Variants in KDM6A observed in about 807,000 individuals in gnomAD.
KDM6A encodes lysine demethylase 6A.
In KDM6A, 11 loss-of-function variants were observed where a neutral mutation model predicts 117.6. That is an observed-to-expected ratio of 0.09 (90% CI 0.06 to 0.15). KDM6A has a LOEUF of 0.15. Ranked by LOEUF, KDM6A falls within the 10% of genes least tolerant of loss-of-function variation. The pLI is 1.00. For synonymous variants in KDM6A, 384 were observed against 396.1 expected (o/e 0.97, Z 0.36); for missense variants, 799 against 1,077.3 (o/e 0.74, Z 3.62).
At chrX:44,879,001 T>C (rs2031976085) in intron 2 of KDM6A, among the ~76,000 whole-genome samples, 1 of 111,379 alleles carries the variant, frequency 9.0e-6, no homozygotes, top group Non-Finnish European at 1.9e-5. Context: ...GCTTTGCAGG[T>C]GTGAGCCGCC....
At chrX:44,907,695 G>A (rs1473319566) in intron 2 of KDM6A, among the ~76,000 whole-genome samples, 1 of 105,690 alleles carries the variant, frequency 9.5e-6, no homozygotes, top group African/African-American at 3.5e-5. Context: ...TGATCCACCC[G>A]TCTTGGCCTC....
chrX:45,068,561 TA>T (rs779354016), intron 17 of KDM6A, among the ~76,000 whole-genome samples: 3,804 of 70,467 alleles, frequency 0.054, 95 homozygotes, highest in Non-Finnish European at 0.076. Context: ...CCTTTTTTTT[TA>T]AAAAAAAAAA....
chrX:44,989,348 C>G, intron 4 of KDM6A, among the ~76,000 whole-genome samples: 1 of 107,236 alleles, frequency 9.3e-6, no homozygotes, highest in East Asian at 3.0e-4. Context: ...CCTTGCACTT[C>G]CCGGGTGAGG....
intron 10 of KDM6A, among the ~76,000 whole-genome samples, chrX:45,056,475 G>A (rs1306539864): frequency 2.7e-5 from 3 of 111,994 alleles, no homozygotes; most frequent in Non-Finnish European, 5.7e-5. Context: ...AAATTGTAAT[G>A]TGATATTCTG....
At position 44,897,362 on chromosome X, in the gene KDM6A, C is replaced by G. The variant is rs151019395; in HGVS notation, c.225+23375C>G. Among the ~76,000 whole-genome samples the G allele has an allele frequency of 8.4e-3, 896 of 106,692 alleles. 11 individuals are homozygous for G. Among genetic ancestry groups the G allele is most frequent in the African/African-American group, 0.03 (861 of 29,163 alleles). The allele number at this position is 106,692 out of a possible 115,157, so 92.6% of individuals were successfully genotyped here. A position where few individuals can be genotyped will look rare whatever the true frequency, so the allele number is the denominator to read the frequency against. On this transcript the variant is annotated intron_variant, in intron 2 of 29. Coordinates refer to ENST00000611820, the MANE Select transcript of KDM6A (RefSeq NM_001291415.2). ...TGTTTATTTGTTTTAAGAGCAGTTGCAATTGCTTGTTGAAGCGTTTTGTTG... is the reference window on the plus strand; with the variant it reads ...TGTTTATTTGTTTTAAGAGCAGTTGGAATTGCTTGTTGAAGCGTTTTGTTG...
intron 18 of KDM6A, among the ~76,000 whole-genome samples, chrX:45,075,570 A>G (rs930998363): frequency 9.0e-6 from 1 of 111,036 alleles, no homozygotes; most frequent in African/African-American, 3.3e-5. Context: ...TTTTACTTGG[A>G]GTTGTAGTTG....
intron 29 of KDM6A, 132 bp downstream of exon 29, chrX:45,110,381 G>A: frequency 1.9e-6 from 1 of 532,767 alleles, no homozygotes; most frequent in East Asian, 3.6e-5. Flanking sequence ...TTGCATGAGG[G>A]TATATTCATA....
intron 2 of KDM6A, among the ~76,000 whole-genome samples, chrX:44,931,922 T>C (rs1275281685): frequency 9.1e-6 from 1 of 109,636 alleles, no homozygotes; most frequent in Admixed American, 9.8e-5. Flanking sequence ...TATCATCTTA[T>C]TTGGTGTTCT....
rs187145806 is a variant in KDM6A at position 45,002,015 on chromosome X, A to T, written c.385-8946A>T. Among the ~76,000 whole-genome samples, 502 of 111,528 alleles carry T rather than the reference A, an allele frequency of 4.5e-3. 8 individuals are homozygous for T. The highest frequency in any genetic ancestry group is 0.013 in the African/African-American group (411 of 30,658). On this transcript the variant is annotated intron_variant, in intron 4 of 29. Coordinates refer to ENST00000611820, the MANE Select transcript of KDM6A (RefSeq NM_001291415.2). Reference sequence around the variant, plus strand: ...TGAAGGAAAGGAAAGTGGAAGATAAACCAAGTATATAAATTCTAAGAAACT... The same window carrying T: ...TGAAGGAAAGGAAAGTGGAAGATAATCCAAGTATATAAATTCTAAGAAACT...
At chrX:45,063,910 G>A in intron 17 of KDM6A, 93 bp downstream of exon 17, 1 of 894,989 alleles carries the variant, frequency 1.1e-6, no homozygotes. Context: ...AAGTGTTTGG[G>A]GAACTGGTTT....
chrX:45,016,198 C>T (rs1261921924), intron 5 of KDM6A, among the ~76,000 whole-genome samples: 1 of 111,163 alleles, frequency 9.0e-6, no homozygotes, highest in East Asian at 2.8e-4. Context: ...CCATCTCAAC[C>T]TTTTAAAATC....
chrX:45,034,206 A>G (rs1048342563), intron 6 of KDM6A, among the ~76,000 whole-genome samples: 7 of 111,580 alleles, frequency 6.3e-5, no homozygotes, highest in Non-Finnish European at 9.4e-5. Context: ...TAGATATTAA[A>G]TGTCACCCAG....
Position 45,002,820 on chromosome X carries a change from T to TACC in KDM6A, c.385-8139_385-8137dup, listed in dbSNP as rs756051964. Among the ~76,000 whole-genome samples the TACC allele has an allele frequency of 1.2e-4, 13 of 106,901 alleles. No homozygotes were observed. In the South Asian group the frequency reaches 5.2e-3, roughly 43 times the overall value. 92.8% of individuals were successfully genotyped at this position (106,901 alleles called of 115,157 possible). A position where few individuals can be genotyped will look rare whatever the true frequency, so the allele number is the denominator to read the frequency against. ...GTTAATTTATTTTAGGACAAGAATT[T>TACC]ACCATATAACATTCTTTTTATATAA... On this transcript the variant is annotated intron_variant, in intron 4 of 29. Coordinates refer to ENST00000611820, the MANE Select transcript of KDM6A (RefSeq NM_001291415.2).
intron 3 of KDM6A, among the ~76,000 whole-genome samples, chrX:44,971,882 T>C (rs1213884486): frequency 9.1e-6 from 1 of 110,189 alleles, no homozygotes; most frequent in African/African-American, 3.3e-5. Context: ...GTCTGATAAG[T>C]GAAGTCTGCT....
intron 2 of KDM6A, among the ~76,000 whole-genome samples, chrX:44,898,139 T>C (rs1291686045): frequency 9.0e-6 from 1 of 111,688 alleles, no homozygotes; most frequent in Non-Finnish European, 1.9e-5. Context: ...CGGGCCATGC[T>C]GCCTCAGCAA....
At chrX:44,975,627 C>T (rs1401347064) in intron 4 of KDM6A, among the ~76,000 whole-genome samples, 1 of 111,344 alleles carries the variant, frequency 9.0e-6, no homozygotes, top group Non-Finnish European at 1.9e-5. Context: ...TAGCTTTATT[C>T]ACATGCTGTA....
chrX:45,102,214 T>C (rs189840239), intron 27 of KDM6A, among the ~76,000 whole-genome samples: 2 of 112,203 alleles, frequency 1.8e-5, no homozygotes, highest in East Asian at 5.6e-4. Context: ...CCTGGAACTC[T>C]TATTAAAATA....
At chrX:45,046,445 G>C (rs1232094843) in intron 8 of KDM6A, among the ~76,000 whole-genome samples, 1 of 111,811 alleles carries the variant, frequency 8.9e-6, no homozygotes, top group African/African-American at 3.2e-5. Context: ...GTATTAGCCA[G>C]TGTAGTTAGA....
intron 4 of KDM6A, among the ~76,000 whole-genome samples, chrX:44,984,468 A>G (rs1233236389): frequency 9.0e-6 from 1 of 111,612 alleles, no homozygotes; most frequent in East Asian, 2.8e-4. Flanking sequence ...TTGGTGTTTT[A>G]GACATGAAGT....
Sources: gnomAD v4.1 joint callset for allele counts (sites outside exome capture counted in the v4.1 genomes callset) on GRCh38, gnomAD v4.1.1 for gene constraint, MANE v1.5 for transcripts, NCBI Gene and HGNC (gene_info 2026-07-23, HGNC 2026-07-21) for gene names.